The following DOCK6 variants were observed in gnomAD, a reference collection of about 807,000 sequenced individuals.
DOCK6 encodes dedicator of cytokinesis 6.
DOCK6 carries 167 observed loss-of-function variants against 230.3 expected under a neutral mutation model. The observed-to-expected ratio is 0.73, with a 90% CI of 0.64 to 0.82. The LOEUF (loss-of-function observed/expected upper bound fraction) is 0.82, where lower values mean the gene tolerates loss of function less well. Among genes scored for constraint, DOCK6 ranks in the 40% least tolerant of loss-of-function variants. The pLI is 0.00. For missense variants in DOCK6, 2,598 were observed against 2,825.8 expected, an observed-to-expected ratio of 0.92 and a Z score of 1.83; for synonymous variants, 1,148 against 1,185.0, an observed-to-expected ratio of 0.97 and a Z score of 0.64.
In DOCK6 at chr19:11,202,141, G is replaced by C. The variant is rs2079180241; in HGVS notation, c.5452-16C>G. 1 of 1,611,926 alleles carries C rather than the reference G, an allele frequency of 6.2e-7. No individual in the cohort carries two copies. Among genetic ancestry groups the C allele is most frequent in the Non-Finnish European group, 8.5e-7 (1 of 1,178,172 alleles). On this transcript the variant is annotated splice_polypyrimidine_tract_variant and intron_variant, in intron 43 of 47. Transcript: ENST00000294618. This position sits in a 1 kb window ranked among gnomAD's most constrained non-coding sequence, Gnocchi z 5.3. ...GGATGTAGGCCTGGGCGCAGGGTCA[G>C]GTGTGAGGATCCCACAGCCCCAGCA...
In DOCK6 at chr19:11,240,176, T is replaced by A. The variant is rs755009814; in HGVS notation, c.1643+1869A>T. 1.0e-5 allele frequency: 16 copies of A among 1,553,220 alleles called. No homozygotes were observed. The Admixed American group carries it at 3.1e-4, about 30-fold the overall frequency. On this transcript the variant is annotated intron_variant, in intron 14 of 47. Transcript: ENST00000294618. ...TGCAGCTGCAGGCAGAGGCCACAGC[T>A]GAGGTGCTGGGGGAGGTGGCCCAGG...
chr19:11,262,321 C>A (rs1336968931), intron 1 of DOCK6, 76 bp downstream of exon 1: 4 of 819,310 alleles, frequency 4.9e-6, no homozygotes, highest in South Asian at 5.4e-5. Context: ...GGCGCCCGGG[C>A]GGGGAGGGTC....
At chr19:11,220,411 G>A (rs2079561955) in intron 28 of DOCK6, among the ~76,000 whole-genome samples, 1 of 152,190 alleles carries the variant, frequency 6.6e-6, no homozygotes, top group African/African-American at 2.4e-5. Context: ...ACAAAAGGTA[G>A]ACTGAGTGTA....
rs756353102 is a variant in DOCK6 at position 11,212,106 on chromosome 19, G to A, written c.4537C>T (p.Leu1513=). 6.2e-7 allele frequency: 1 copy of A among 1,612,440 alleles called. No homozygotes were observed. Reference sequence around the variant, plus strand: ...CTGAAGTTCTGCGTCGTCCCCACCAGGGACGAGAGAGACATGGTGACCTGC... The same window carrying A: ...CTGAAGTTCTGCGTCGTCCCCACCAAGGACGAGAGAGACATGGTGACCTGC... ...KMQVTMSLSS[L]VGTTQNFSEE... Residue 1513 remains leucine, a synonymous_variant, in exon 36 of 48, where the codon CTG becomes TTG. Transcript: ENST00000294618.
At position 11,258,273 on chromosome 19, in the gene DOCK6, A is replaced by AAG. The variant is rs540000790; in HGVS notation, c.44+4123_44+4124insCT. Reference sequence around the variant, plus strand: ...ACCTCATGATTCAGTTTATATGACAATCTAAAACAGGCCAGATCAGGTAGG... The same window carrying AAG: ...ACCTCATGATTCAGTTTATATGACAAAGTCTAAAACAGGCCAGATCAGGTAGG... On this transcript the variant is annotated intron_variant, in intron 1 of 47. Transcript: ENST00000294618. 7.2e-5 allele frequency among the ~76,000 whole-genome samples: 11 copies of AAG among 152,276 alleles called. No individual in the cohort carries two copies. The South Asian group carries it at 2.1e-3, about 29-fold the overall frequency.
Position 11,212,042 on chromosome 19 carries a change from G to C in DOCK6, c.4601C>G (p.Thr1534Ser). ...CAGCCCCATGTCCTCCTCAGCATAG[G>C]TGAGGATGGTTTTGAGTGAACGTCG... is the stretch of plus-strand genomic sequence containing the variant. ...HLRRSLKTIL[T>S]YAEEDMGLRD... The change falls in exon 36 of 48, where the codon ACC becomes AGC. Residue 1534 changes from threonine to serine, a missense_variant. Transcript: ENST00000294618. The C allele has an allele frequency of 6.2e-7, 1 of 1,610,692 alleles. No individual in the cohort carries two copies. The highest frequency in any genetic ancestry group is 8.5e-7 in the Non-Finnish European group (1 of 1,178,892).
chr19:11,231,923 C>T (rs17766692), intron 22 of DOCK6, among the ~76,000 whole-genome samples: 19,371 of 152,154 alleles, frequency 0.13, 1,494 homozygotes, highest in East Asian at 0.25. Context: ...ACTGGATTTG[C>T]ACTTCGTTTG....
chr19:11,236,549 A>T lies in DOCK6; in HGVS notation c.2189T>A (p.Leu730Gln). The T allele has an allele frequency of 6.3e-7, 1 of 1,599,040 alleles. No homozygotes were observed. The highest frequency in any genetic ancestry group is 1.1e-5 in the South Asian group (1 of 88,186). Residue 730 changes from leucine to glutamine, a missense_variant, in exon 20 of 48, where the codon CTG becomes CAG. Leu to Gln is a moderately radical substitution (Grantham distance 113, BLOSUM62 -2). Coordinates refer to ENST00000294618, the MANE Select transcript of DOCK6 (RefSeq NM_020812.4). This position sits in a 1 kb window ranked among gnomAD's most constrained non-coding sequence, Gnocchi z 5.2. ...QDPYLDKFFT[L>Q]VHVLEEGAFP... Reference sequence around the variant, plus strand: ...GGCTCCCTCCTCCAGGACGTGCACCAGGGTGAAGAATTTGTCCAGGTAGGG... The same window carrying T: ...GGCTCCCTCCTCCAGGACGTGCACCTGGGTGAAGAATTTGTCCAGGTAGGG...
chr19:11,253,767 C>T, intron 1 of DOCK6, 41 bp from the exon 2 acceptor site: 1 of 1,334,516 alleles, frequency 7.5e-7, no homozygotes, highest in Non-Finnish European at 1.0e-6. Context: ...CGGGAAAACT[C>T]AGGCAGCGGA....
Position 11,217,077 on chromosome 19 carries a change from G to A in DOCK6, c.3731C>T (p.Ala1244Val). The A allele has an allele frequency of 6.2e-7, 1 of 1,612,780 alleles. No homozygotes were observed. Among genetic ancestry groups the A allele is most frequent in the Admixed American group, 1.7e-5 (1 of 59,778 alleles). Residue 1244 changes from alanine (A) to valine (V), a missense_variant, in exon 30 of 48, where the codon GCC becomes GTC. Physicochemically the swap from Ala to Val is moderately conservative, Grantham distance 64. Coordinates refer to ENST00000294618, the MANE Select transcript of DOCK6 (RefSeq NM_020812.4). ...GPPTASRAGC[A>V]LSAESSRTLL... ...GGTCCGGCTTGACTCAGCAGAGAGG[G>A]CACAGCCTGCGCGAGAAGCCTGGGG... is the stretch of plus-strand genomic sequence containing the variant.
Position 11,236,989 on chromosome 19 carries a change from G to T in DOCK6, c.2074-110C>A, listed in dbSNP as rs1487358348. 4.2e-6 allele frequency: 5 copies of T among 1,189,572 alleles called. No homozygotes were observed. In the African/African-American group the frequency reaches 4.6e-5, roughly 11 times the overall value. The allele number at this position is 1,189,572 out of a possible 1,614,324, so 73.7% of individuals were successfully genotyped here. On this transcript the variant is annotated intron_variant, in intron 18 of 47. Coordinates refer to ENST00000294618, the MANE Select transcript of DOCK6 (RefSeq NM_020812.4). The surrounding 1 kb of genome is among the most constrained non-coding windows in gnomAD (Gnocchi z 5.2). ...GCAGCGTGAGTGTAGCCCGGTCTGG[G>T]GGTGCAGCCAAGCACCCTGCCCCCA...
At chr19:11,239,952 G>C (rs375214158) in intron 14 of DOCK6, 1 of 1,567,980 alleles carries the variant, frequency 6.4e-7, no homozygotes, top group Non-Finnish European at 8.6e-7. Context: ...CCGTAGCTGC[G>C]ACACTGTGGG....
chr19:11,200,839 A>G lies in DOCK6; in HGVS notation c.5833-17T>C. The G allele has an allele frequency of 6.2e-7, 1 of 1,612,730 alleles. No homozygotes were observed. The highest frequency in any genetic ancestry group is 8.5e-7 in the Non-Finnish European group (1 of 1,178,938). On this transcript the variant is annotated splice_polypyrimidine_tract_variant and intron_variant, in intron 45 of 47. Coordinates refer to ENST00000294618, the MANE Select transcript of DOCK6 (RefSeq NM_020812.4). The surrounding 1 kb of genome is among the most constrained non-coding windows in gnomAD (Gnocchi z 4.3). ...CAGGGGACCCTGTGGGGTGAGAGGG[A>G]CTGGTGAGCCAGCCTGCATGGCACC...
chr19:11,213,425 T>C, intron 34 of DOCK6, 97 bp from the exon 35 acceptor site: 1 of 1,496,610 alleles, frequency 6.7e-7, no homozygotes, highest in Non-Finnish European at 9.0e-7. Flanking sequence ...CAGGGGTTTG[T>C]GTTCTGTCCT....
chr19:11,237,041 T>C, intron 18 of DOCK6, 162 bp from the exon 19 acceptor site: 1 of 671,890 alleles, frequency 1.5e-6, no homozygotes, highest in Non-Finnish European at 2.5e-6. Context: ...ACTGAGAGGG[T>C]CCACTGGGCA....
rs148976627 is a variant in DOCK6, at chr19:11,237,045, C to T, written c.2074-166G>A. On this transcript the variant is annotated intron_variant, in intron 18 of 47. Coordinates refer to ENST00000294618, the MANE Select transcript of DOCK6 (RefSeq NM_020812.4). ...GGTCCCAGTAGACTGAGAGGGTCCA[C>T]TGGGCAGGCTGGAAATCCACATGCC... 1.4e-3 allele frequency: 904 copies of T among 653,354 alleles called. 4 individuals are homozygous for T. In the African/African-American group the frequency reaches 0.014, roughly 10 times the overall value. 40.5% of individuals were successfully genotyped at this position (653,354 alleles called of 1,614,324 possible).
At chr19:11,223,489 C>T (rs564370261) in intron 24 of DOCK6, among the ~76,000 whole-genome samples, 1 of 152,280 alleles carries the variant, frequency 6.6e-6, no homozygotes, top group Admixed American at 6.5e-5. Flanking sequence ...TGCCGGGGAA[C>T]TGCCAGGGCC....
At chr19:11,211,722 C>T in intron 37 of DOCK6, 54 bp downstream of exon 37, 2 of 1,386,256 alleles carry the variant, frequency 1.4e-6, no homozygotes, top group Non-Finnish European at 2.0e-6. Context: ...CCCTGTTCTC[C>T]CTGCACCTGT....
chr19:11,242,715 G>A lies in DOCK6; in HGVS notation c.1480+344C>T, dbSNP rs557408511. 8.6e-5 allele frequency among the ~76,000 whole-genome samples: 13 copies of A among 151,614 alleles called. No individual in the cohort carries two copies. The East Asian group carries it at 2.5e-3, about 30-fold the overall frequency. On this transcript the variant is annotated intron_variant, in intron 13 of 47. Transcript: ENST00000294618. ...CCCCCAGGCTGGTCTTGAGCTCCTG[G>A]GCTCAAACAATCATCCTCCTGCCTC...
Sources: allele counts gnomAD v4.1 joint callset (sites outside exome capture counted in the v4.1 genomes callset), GRCh38; gene constraint gnomAD v4.1.1; non-coding constraint Gnocchi (gnomAD v3.1); transcripts MANE v1.5; gene names NCBI Gene and HGNC (gene_info 2026-07-23, HGNC 2026-07-21).